Variants in PPP6R3 observed in about 807,000 individuals in gnomAD.
PPP6R3 encodes protein phosphatase 6 regulatory subunit 3, also known as serine/threonine-protein phosphatase 6 regulatory subunit 3.
Under a neutral mutation model 110.7 loss-of-function variants are expected in PPP6R3, and 38 were observed. The ratio of observed to expected loss-of-function variants is 0.34; its 90% CI spans 0.26 to 0.45. PPP6R3 has a LOEUF of 0.45. Ranked by LOEUF, PPP6R3 falls within the 20% of genes least tolerant of loss-of-function variation. PPP6R3 has a pLI of 1.00. For missense variants in PPP6R3, 870 were observed against 1,062.4 expected, an observed-to-expected ratio of 0.82 and a Z score of 2.52; for synonymous variants, 369 against 373.5, an observed-to-expected ratio of 0.99 and a Z score of 0.14.
intron 1 of PPP6R3, among the ~76,000 whole-genome samples, chr11:68,506,999 T>G (rs1444764644): frequency 6.6e-6 from 1 of 152,206 alleles, no homozygotes; most frequent in African/African-American, 2.4e-5. Context: ...TCTTTGGGCC[T>G]TATTCTAGAT....
chr11:68,567,130 G>T lies in PPP6R3; in HGVS notation c.1092G>T (p.Gly364=). The change falls in exon 10 of 24, where the codon GGG becomes GGT. Residue 364 remains glycine (G), a synonymous_variant. Coordinates refer to ENST00000393800, the MANE Select transcript of PPP6R3 (RefSeq NM_001164161.2). ...LLQTNTSSIN[G]DLMELNSIGV... ...AAACCAATACCAGCAGTATAAATGG[G>T]GACCTTATGGAGCTGAATAGCATTG... is the stretch of plus-strand genomic sequence containing the variant. 6.4e-7 allele frequency: 1 copy of T among 1,550,612 alleles called. No homozygotes were observed. The highest frequency in any genetic ancestry group is 1.2e-5 in the South Asian group (1 of 83,684).
At chr11:68,550,152 A>G (rs1000077621) in intron 5 of PPP6R3, among the ~76,000 whole-genome samples, 1 of 152,222 alleles carries the variant, frequency 6.6e-6, no homozygotes, top group Non-Finnish European at 1.5e-5. Flanking sequence ...CATTTGAACA[A>G]GATTCTCGGA....
At chr11:68,525,632 G>A (rs2099193009) in intron 2 of PPP6R3, among the ~76,000 whole-genome samples, 1 of 152,150 alleles carries the variant, frequency 6.6e-6, no homozygotes, top group Non-Finnish European at 1.5e-5. Context: ...GACGATAATA[G>A]CTAAAACTTT....
chr11:68,506,068 A>C (rs1011202025), intron 1 of PPP6R3, among the ~76,000 whole-genome samples: 1 of 150,524 alleles, frequency 6.6e-6, no homozygotes, highest in Non-Finnish European at 1.5e-5. Context: ...CGTTGTAGGT[A>C]TCTTGTTTTG....
intron 9 of PPP6R3, 141 bp from the exon 10 acceptor site, chr11:68,566,873 A>G (rs1302383572): frequency 1.7e-6 from 1 of 593,828 alleles, no homozygotes; most frequent in East Asian, 3.1e-5. Context: ...AAAGATATCA[A>G]GAGCAGCTTT....
Position 68,590,707 on chromosome 11 carries a change from A to G in PPP6R3, c.1778A>G (p.Asn593Ser). The G allele has an allele frequency of 6.3e-7, 1 of 1,592,676 alleles. No homozygotes were observed. The highest frequency in any genetic ancestry group is 1.1e-5 in the South Asian group (1 of 88,458). The change falls in exon 17 of 24, where the codon AAT becomes AGT. Residue 593 changes from asparagine (N) to serine (S), a missense_variant. By Grantham distance (46) the Asn-to-Ser change is conservative (BLOSUM62 1). Coordinates refer to ENST00000393800, the MANE Select transcript of PPP6R3 (RefSeq NM_001164161.2). Reference protein sequence around the residue: ...VSDINFTLNTNESGNIALFEA... With the variant: ...VSDINFTLNTSESGNIALFEA... Reference sequence around the variant, plus strand: ...GACATCAACTTTACTCTCAATACAAATGAAAGTGTAAGTATAAACTCTGTT... The same window carrying G: ...GACATCAACTTTACTCTCAATACAAGTGAAAGTGTAAGTATAAACTCTGTT...
intron 5 of PPP6R3, among the ~76,000 whole-genome samples, chr11:68,550,059 A>T (rs150906617): frequency 5.6e-4 from 85 of 152,298 alleles, no homozygotes; most frequent in African/African-American, 2.0e-3. Context: ...TATTACTCAA[A>T]GAATGGTCCT....
At chr11:68,563,340 T>C (rs576825052) in intron 8 of PPP6R3, among the ~76,000 whole-genome samples, 2 of 152,322 alleles carry the variant, frequency 1.3e-5, no homozygotes, top group African/African-American at 4.8e-5. Flanking sequence ...ATTCCTTGGC[T>C]TGTGACCCCT....
At chr11:68,566,069 G>A (rs934858661) in intron 9 of PPP6R3, among the ~76,000 whole-genome samples, 1 of 152,170 alleles carries the variant, frequency 6.6e-6, no homozygotes, top group Non-Finnish European at 1.5e-5. Context: ...TGTGATTTCA[G>A]GCTATAGAAA....
At chr11:68,571,148 A>T (rs778874003) in intron 12 of PPP6R3, 44 bp downstream of exon 12, 3 of 1,574,082 alleles carry the variant, frequency 1.9e-6, no homozygotes, top group Non-Finnish European at 1.7e-6. Context: ...TTGGTTGGTA[A>T]TATGAGGAAA....
chr11:68,573,114 T>TATA (rs1555173816), intron 12 of PPP6R3, among the ~76,000 whole-genome samples: 38 of 61,798 alleles, frequency 6.1e-4, no homozygotes, highest in East Asian at 5.3e-3. Flanking sequence ...TTTACTTATT[T>TATA]TATATATATA....
intron 7 of PPP6R3, among the ~76,000 whole-genome samples, chr11:68,557,749 A>C (rs893912946): frequency 3.3e-5 from 5 of 151,986 alleles, no homozygotes; most frequent in African/African-American, 1.2e-4. Context: ...CGAACTCCTG[A>C]CCTTGTGATC....
intron 15 of PPP6R3, among the ~76,000 whole-genome samples, chr11:68,584,696 C>A (rs780035041): frequency 1.3e-5 from 2 of 152,008 alleles, no homozygotes; most frequent in Non-Finnish European, 1.5e-5. Flanking sequence ...TTTGTTTGAC[C>A]GACAGCTCAC....
chr11:68,563,045 T>G (rs1002831341), intron 8 of PPP6R3, among the ~76,000 whole-genome samples: 29 of 150,382 alleles, frequency 1.9e-4, no homozygotes, highest in Non-Finnish European at 3.2e-4. Flanking sequence ...TGGTGGCTCA[T>G]GCCTAGCACT....
chr11:68,526,400 C>T (rs1174060087), intron 2 of PPP6R3, among the ~76,000 whole-genome samples: 2 of 151,970 alleles, frequency 1.3e-5, no homozygotes, highest in African/African-American at 4.8e-5. Flanking sequence ...CCACCATGCC[C>T]GACTGATTTT....
chr11:68,485,303 A>T (rs2098940015), intron 1 of PPP6R3, among the ~76,000 whole-genome samples: 2 of 126,854 alleles, frequency 1.6e-5, no homozygotes, highest in African/African-American at 3.0e-5. Context: ...CAATTCCTTC[A>T]CATTTTCTCC....
chr11:68,556,388 G>A (rs1416656490), intron 7 of PPP6R3, among the ~76,000 whole-genome samples: 1 of 152,074 alleles, frequency 6.6e-6, no homozygotes, highest in African/African-American at 2.4e-5. Context: ...TTAGTGACTG[G>A]AAATTTTTGA....
intron 1 of PPP6R3, among the ~76,000 whole-genome samples, chr11:68,490,591 C>T (rs546404701): frequency 1.3e-5 from 2 of 151,710 alleles, no homozygotes; most frequent in Non-Finnish European, 2.9e-5. Flanking sequence ...TATGTTATAC[C>T]TTTTGTAGTT....
intron 4 of PPP6R3, among the ~76,000 whole-genome samples, chr11:68,546,761 C>T (rs556228603): frequency 2.0e-5 from 3 of 152,270 alleles, no homozygotes; most frequent in East Asian, 1.9e-4. Flanking sequence ...AGCACCCCAG[C>T]GGGGTCATCT....
Sources: gnomAD v4.1 joint callset for allele counts (sites outside exome capture counted in the v4.1 genomes callset) on GRCh38, gnomAD v4.1.1 for gene constraint, MANE v1.5 for transcripts, NCBI Gene and HGNC (gene_info 2026-07-23, HGNC 2026-07-21) for gene names.